The following HSD11B1 variants were observed in gnomAD, a reference collection of about 807,000 sequenced individuals.
HSD11B1 encodes the protein hydroxysteroid 11-beta dehydrogenase 1, also known as 11-beta-hydroxysteroid dehydrogenase 1.
HSD11B1 carries 15 observed loss-of-function variants against 22.1 expected under a neutral mutation model. That is an observed-to-expected ratio of 0.68 (90% confidence interval 0.45 to 1.04). HSD11B1 has a LOEUF of 1.04. Ranked by LOEUF, HSD11B1 falls within the 50% of genes least tolerant of loss-of-function variation. The probability of loss-of-function intolerance (pLI) is 0.00; values close to 1 mark genes in which losing one functional copy is unlikely to be tolerated. For synonymous variants in HSD11B1, 122 were observed against 125.2 expected, an observed-to-expected ratio of 0.97 and a Z score of 0.17; for missense variants, 281 against 357.6, an observed-to-expected ratio of 0.79 and a Z score of 1.73.
chr1:209,730,313 T>C (rs928300964), intron 4 of HSD11B1, among the ~76,000 whole-genome samples: 1 of 152,214 alleles, frequency 6.6e-6, no homozygotes, highest in Non-Finnish European at 1.5e-5. Flanking sequence ...CCACTATAAT[T>C]AACATTAGCT....
chr1:209,718,386 A>T (rs544242487), intron 4 of HSD11B1, among the ~76,000 whole-genome samples: 13 of 152,292 alleles, frequency 8.5e-5, no homozygotes, highest in Non-Finnish European at 1.8e-4. Flanking sequence ...TTAAATTTTT[A>T]AAAAAATTTA....
chr1:209,731,220 C>T (rs1408691848), intron 4 of HSD11B1, among the ~76,000 whole-genome samples: 2 of 152,130 alleles, frequency 1.3e-5, no homozygotes, highest in African/African-American at 4.8e-5. Flanking sequence ...AGAAACCAAG[C>T]AGCCAAGTTA....
chr1:209,686,336 AG>A (rs2076728337), intron 1 of HSD11B1: 1 of 152,248 alleles, frequency 6.6e-6, no homozygotes, highest in Non-Finnish European at 1.5e-5. Context: ...CATTTGTATC[AG>A]GGCCTAGTAC....
rs977458058 is a variant in HSD11B1, at chr1:209,686,944, C to T, written c.-49+659C>T. Among the ~76,000 whole-genome samples, 5 of 152,342 alleles carry T rather than the reference C, an allele frequency of 3.3e-5. No homozygotes were observed. The East Asian group carries it at 9.6e-4, about 29-fold the overall frequency. On this transcript the variant is annotated intron_variant, in intron 1 of 6. Transcript: ENST00000261465. ...TAGTCCAGCTGGGCTGCTCAGAATA[C>T]TGACCCTCTGAGCCCTAAACGGGCC...
intron 4 of HSD11B1, among the ~76,000 whole-genome samples, chr1:209,718,644 A>T (rs1269320345): frequency 6.6e-6 from 1 of 152,182 alleles, no homozygotes; most frequent in Non-Finnish European, 1.5e-5. Context: ...AAAATGGTAC[A>T]GTCACTATGA....
At chr1:209,731,600 T>C (rs2102401417) in intron 4 of HSD11B1, among the ~76,000 whole-genome samples, 1 of 152,308 alleles carries the variant, frequency 6.6e-6, no homozygotes, top group African/African-American at 2.4e-5. Context: ...TTAATAATAG[T>C]TTATCCTATT....
chr1:209,711,420 T>C (rs1223144747), intron 4 of HSD11B1, among the ~76,000 whole-genome samples: 1 of 152,206 alleles, frequency 6.6e-6, no homozygotes, highest in East Asian at 1.9e-4. Context: ...ACAGTTGTTC[T>C]CATTTTTCTA....
intron 4 of HSD11B1, among the ~76,000 whole-genome samples, chr1:209,727,911 A>G (rs535840052): frequency 1.3e-5 from 2 of 152,196 alleles, no homozygotes; most frequent in Non-Finnish European, 1.5e-5. Flanking sequence ...AAAATCCAAC[A>G]GCAGCAATCA....
Position 209,706,001 on chromosome 1 carries a change from A to G in HSD11B1, c.219+60A>G. ...CACATGCTCAGATGTGTTCTTATAT[A>G]TGCTCACATATACACAGAAGCTAGC... On this transcript the variant is annotated intron_variant, in intron 2 of 5. Coordinates refer to ENST00000367027, the MANE Select transcript of HSD11B1 (RefSeq NM_005525.4). The surrounding 1 kb of genome is among the most constrained non-coding windows in gnomAD (Gnocchi z 4.0). The G allele has an allele frequency of 1.3e-6, 2 of 1,598,578 alleles. No individual in the cohort carries two copies. The highest frequency in any genetic ancestry group is 2.2e-5 in the South Asian group (2 of 90,618).
chr1:209,729,337 C>A (rs1429151820), intron 4 of HSD11B1, among the ~76,000 whole-genome samples: 1 of 148,962 alleles, frequency 6.7e-6, no homozygotes, highest in Non-Finnish European at 1.5e-5. Flanking sequence ...CCAGCCTGGG[C>A]AACAGAGCAA....
intron 4 of HSD11B1, among the ~76,000 whole-genome samples, chr1:209,726,092 C>G (rs2076999218): frequency 6.6e-6 from 1 of 151,894 alleles, no homozygotes; most frequent in Non-Finnish European, 1.5e-5. Context: ...ACCATCCTGG[C>G]CAACACAGTA....
intron 4 of HSD11B1, among the ~76,000 whole-genome samples, chr1:209,726,017 C>T (rs972726460): frequency 8.5e-5 from 13 of 152,116 alleles, no homozygotes; most frequent in Non-Finnish European, 5.9e-5. Context: ...ACCTTATATG[C>T]TTGCATAATA....
intron 4 of HSD11B1, among the ~76,000 whole-genome samples, chr1:209,721,953 C>G (rs3766619): frequency 0.2 from 29,921 of 152,166 alleles, 3,012 homozygotes; most frequent in Non-Finnish European, 0.2. Flanking sequence ...TGAGGCCCCT[C>G]TCATATGGCT....
At chr1:209,703,573 C>T (rs1305781133), upstream of HSD11B1, among the ~76,000 whole-genome samples, 1 of 152,174 alleles carries the variant, frequency 6.6e-6, no homozygotes, top group Non-Finnish European at 1.5e-5. Context: ...CCTTTGTTGA[C>T]AAATTGTTTC....
At chr1:209,705,963 A>T in intron 2 of HSD11B1, 22 bp downstream of exon 2, 1 of 1,613,548 alleles carries the variant, frequency 6.2e-7, no homozygotes, top group Non-Finnish European at 8.5e-7. Context: ...ATGCTCGCAG[A>T]TATGTGTACC....
chr1:209,696,791 T>G (rs1237271741), intron 1 of HSD11B1, among the ~76,000 whole-genome samples: 1 of 152,066 alleles, frequency 6.6e-6, no homozygotes, highest in African/African-American at 2.4e-5. Flanking sequence ...AAAAAAAGCA[T>G]GGTAGAAAAA....
At chr1:209,729,135 G>C (rs2102399132) in intron 4 of HSD11B1, among the ~76,000 whole-genome samples, 1 of 152,222 alleles carries the variant, frequency 6.6e-6, no homozygotes, top group Non-Finnish European at 1.5e-5. Flanking sequence ...GAGGCAGGTG[G>C]ATCACTTGAG....
chr1:209,689,755 G>A (rs75905828), intron 1 of HSD11B1, among the ~76,000 whole-genome samples: 9,445 of 151,894 alleles, frequency 0.062, 360 homozygotes, highest in Middle Eastern at 0.092. Flanking sequence ...TGTCGGCACC[G>A]TGCTTCTTCT....
chr1:209,734,583 G>A lies in HSD11B1; in HGVS notation c.*62G>A. On this transcript the variant is annotated 3_prime_UTR_variant, in exon 6 of 6. Transcript: ENST00000367027. Reference sequence around the variant, plus strand: ...GGACTGTTCTGTCTCATGTTTATCTGAGCTCTTATCTATGAAGACATCTTC... The same window carrying A: ...GGACTGTTCTGTCTCATGTTTATCTAAGCTCTTATCTATGAAGACATCTTC... 6.6e-6 allele frequency: 8 copies of A among 1,215,814 alleles called. No individual in the cohort carries two copies. Among genetic ancestry groups the A allele is most frequent in the Non-Finnish European group, 8.5e-6 (7 of 825,862 alleles). 75.3% of individuals were successfully genotyped at this position (1,215,814 alleles called of 1,614,324 possible).
Sources: allele counts gnomAD v4.1 joint callset (sites outside exome capture counted in the v4.1 genomes callset), GRCh38; gene constraint gnomAD v4.1.1; non-coding constraint Gnocchi (gnomAD v3.1); transcripts MANE v1.5; gene names NCBI Gene and HGNC (gene_info 2026-07-23, HGNC 2026-07-21).